The following TUSC3 variants were observed in gnomAD, a reference collection of about 807,000 sequenced individuals.
TUSC3 encodes the protein dolichyl-diphosphooligosaccharide--protein glycosyltransferase subunit TUSC3.
TUSC3 carries 45 observed loss-of-function variants against 44.8 expected under a neutral mutation model. The ratio of observed to expected loss-of-function variants is 1.00; its 90% CI spans 0.79 to 1.29. TUSC3 has a LOEUF of 1.29. TUSC3 is among the 50% of genes most tolerant of loss of function. The probability of loss-of-function intolerance (pLI) is 0.00; values close to 1 mark genes in which losing one functional copy is unlikely to be tolerated. For missense variants in TUSC3, 519 were observed against 437.9 expected (o/e 1.19, Z -1.65); for synonymous variants, 212 against 152.9 (o/e 1.39, Z -2.85).
In TUSC3 at chr8:15,444,927, C is replaced by T. The variant is rs144870577; in HGVS notation, n.91+27622C>T. On this transcript the variant is annotated intron_variant and non_coding_transcript_variant, in intron 1 of 5. Coordinates refer to the TUSC3 transcript ENST00000503191. ...TCCTGGAAGGGAGGTAAGAGCAGAG[C>T]GCTGGTGCTGTGCACTCTACGAACT... 2.8e-3 allele frequency among the ~76,000 whole-genome samples: 423 copies of T among 152,232 alleles called. 3 individuals are homozygous for T. Among genetic ancestry groups the T allele is most frequent in the African/African-American group, 9.5e-3 (394 of 41,540 alleles).
At chr8:15,467,843 GT>G (rs1232350825) in intron 1 of TUSC3, among the ~76,000 whole-genome samples, 1 of 151,982 alleles carries the variant, frequency 6.6e-6, no homozygotes, top group Non-Finnish European at 1.5e-5. Context: ...CTAACCTAAA[GT>G]TTTTTATCCA....
intron 1 of TUSC3, among the ~76,000 whole-genome samples, chr8:15,597,119 A>T (rs942354803): frequency 3.3e-5 from 5 of 152,270 alleles, no homozygotes; most frequent in Admixed American, 1.3e-4. Context: ...TAAATAGAAT[A>T]TGGAGATGAG....
chr8:15,816,449 T>C, the TUSC3 span, among the ~76,000 whole-genome samples: 15,099 of 152,102 alleles, frequency 0.099, 880 homozygotes, highest in East Asian at 0.25. Flanking sequence ...CTCTTGACAA[T>C]ACATTAAGAA....
chr8:15,791,821 C>T, the TUSC3 span, among the ~76,000 whole-genome samples: 6 of 152,088 alleles, frequency 3.9e-5, no homozygotes, highest in Non-Finnish European at 7.3e-5. Flanking sequence ...AAAATAAGTA[C>T]ACGCTCTTTC....
At chr8:15,776,431 G>A in the TUSC3 span, among the ~76,000 whole-genome samples, 1 of 152,018 alleles carries the variant, frequency 6.6e-6, no homozygotes, top group Non-Finnish European at 1.5e-5. Context: ...TATTTTTGAA[G>A]CACCTTTACA....
At chr8:15,673,153 A>T (rs1808023891) in intron 5 of TUSC3, among the ~76,000 whole-genome samples, 1 of 152,052 alleles carries the variant, frequency 6.6e-6, no homozygotes, top group African/African-American at 2.4e-5. Flanking sequence ...TTCCAACTAC[A>T]GCTTTGTCTG....
intron 1 of TUSC3, among the ~76,000 whole-genome samples, chr8:15,616,049 C>G (rs1356718406): frequency 6.6e-6 from 1 of 151,972 alleles, no homozygotes; most frequent in African/African-American, 2.4e-5. Context: ...GCAGTCCAGG[C>G]TGGTGTAGGA....
At chr8:15,650,140 T>C (rs1806824911) in intron 2 of TUSC3, among the ~76,000 whole-genome samples, 1 of 152,198 alleles carries the variant, frequency 6.6e-6, no homozygotes, top group Admixed American at 6.5e-5. Flanking sequence ...AAATCTTTGC[T>C]TACTGTTGGT....
intron 6 of TUSC3, among the ~76,000 whole-genome samples, chr8:15,727,546 C>A (rs928723267): frequency 6.6e-6 from 1 of 152,106 alleles, no homozygotes; most frequent in East Asian, 1.9e-4. Flanking sequence ...CCTGAAGGCT[C>A]GTAGGGTATC....
rs1202234192 is a variant in TUSC3 at position 15,530,537 on chromosome 8, G to C, written n.189+47054G>C. Among the ~76,000 whole-genome samples, 4 of 152,138 alleles carry C rather than the reference G, an allele frequency of 2.6e-5. No homozygotes were observed. The South Asian group carries it at 6.2e-4, about 24-fold the overall frequency. ...CACAGAGATGTGAAATAATCTGCCT[G>C]AGGTCACACAGCTAGTAAGAGACAG... is the stretch of plus-strand genomic sequence containing the variant. On this transcript the variant is annotated intron_variant and non_coding_transcript_variant, in intron 2 of 5. Transcript: ENST00000503191.
At chr8:15,654,264 C>T (rs1316733973) in intron 3 of TUSC3, among the ~76,000 whole-genome samples, 1 of 151,922 alleles carries the variant, frequency 6.6e-6, no homozygotes, top group East Asian at 1.9e-4. Context: ...TCTCATATAT[C>T]CATGAGAGAA....
chr8:15,635,373 C>G (rs1806019045), intron 2 of TUSC3, among the ~76,000 whole-genome samples: 3 of 152,034 alleles, frequency 2.0e-5, no homozygotes, highest in African/African-American at 7.2e-5. Flanking sequence ...TGAGGTGGCT[C>G]AAATGCATGT....
chr8:15,754,941 T>C (rs1183476035), intron 9 of TUSC3, among the ~76,000 whole-genome samples: 2 of 152,164 alleles, frequency 1.3e-5, no homozygotes, highest in African/African-American at 4.8e-5. Context: ...CCCTTCATCA[T>C]ATTTTTTCAG....
intron 1 of TUSC3, among the ~76,000 whole-genome samples, chr8:15,619,518 G>A (rs2129162726): frequency 6.6e-6 from 1 of 150,988 alleles, no homozygotes; most frequent in East Asian, 2.0e-4. Flanking sequence ...TCCAGTCGAA[G>A]TCTGTCTCTG....
At chr8:15,681,236 T>C (rs1006416491) in intron 6 of TUSC3, among the ~76,000 whole-genome samples, 5 of 151,832 alleles carry the variant, frequency 3.3e-5, no homozygotes, top group African/African-American at 4.8e-5. Flanking sequence ...TTGGAATAGT[T>C]TCAGTAGGAT....
chr8:15,668,017 G>T (rs570500606), intron 5 of TUSC3, among the ~76,000 whole-genome samples: 10 of 151,852 alleles, frequency 6.6e-5, no homozygotes, highest in Middle Eastern at 3.4e-3. Flanking sequence ...ATGTGAGAAA[G>T]ATAACATGTG....
At chr8:15,810,301 C>T in the TUSC3 span, among the ~76,000 whole-genome samples, 401 of 152,192 alleles carry the variant, frequency 2.6e-3, 1 homozygote, top group African/African-American at 8.8e-3. Context: ...AAAATATTTC[C>T]TCCTTGCCAA....
chr8:15,691,334 C>G (rs1808890432), intron 6 of TUSC3, among the ~76,000 whole-genome samples: 1 of 152,034 alleles, frequency 6.6e-6, no homozygotes, highest in Non-Finnish European at 1.5e-5. Context: ...TATAGGAATG[C>G]TATTGATTTT....
At chr8:15,814,632 C>T in the TUSC3 span, among the ~76,000 whole-genome samples, 1 of 152,054 alleles carries the variant, frequency 6.6e-6, no homozygotes, top group Non-Finnish European at 1.5e-5. Context: ...ACACAAATAC[C>T]CGCATAATAT....
Sources: gnomAD v4.1 joint callset for allele counts (sites outside exome capture counted in the v4.1 genomes callset) on GRCh38, gnomAD v4.1.1 for gene constraint, MANE v1.5 for transcripts, NCBI Gene and HGNC (gene_info 2026-07-23, HGNC 2026-07-21) for gene names.